Variants in NOTCH4 observed in about 807,000 individuals in gnomAD.
NOTCH4 encodes the protein neurogenic locus notch homolog protein 4.
NOTCH4 carries 138 observed loss-of-function variants against 189.0 expected under a neutral mutation model. The observed-to-expected ratio is 0.73, with a 90% CI of 0.64 to 0.84. The LOEUF is 0.84. Ranked by LOEUF, NOTCH4 falls within the 40% of genes least tolerant of loss-of-function variation. The probability of loss-of-function intolerance (pLI) is 0.00; values close to 1 mark genes in which losing one functional copy is unlikely to be tolerated. For missense variants in NOTCH4, 2,286 were observed against 2,605.4 expected (o/e 0.88, Z 2.67); for synonymous variants, 942 against 1,032.8 (o/e 0.91, Z 1.69).
At chr6:32,213,045 G>C in intron 15 of NOTCH4, 90 bp downstream of exon 15, 2 of 1,263,724 alleles carry the variant, frequency 1.6e-6, no homozygotes, top group South Asian at 2.5e-5. Context: ...TGTGGGGTGG[G>C]AGGCAGCCTG....
chr6:32,204,321 G>A lies in NOTCH4; in HGVS notation c.2934C>T (p.His978=). The change falls in exon 19 of 30, where the codon CAC becomes CAT. Residue 978 remains histidine (H), a synonymous_variant. Transcript: ENST00000375023. ...GTTTGGGAGTACAGGTTCCATGGTTGTGACAGGGTTGGGACTGACAAGCAT... is the reference window on the plus strand; with the variant it reads ...GTTTGGGAGTACAGGTTCCATGGTTATGACAGGGTTGGGACTGACAAGCAT... ...ELDACQSQPC[H]NHGTCTPKPG... The A allele has an allele frequency of 6.2e-7, 1 of 1,613,026 alleles. No homozygotes were observed. Among genetic ancestry groups the A allele is most frequent in the East Asian group, 2.2e-5 (1 of 44,888 alleles).
chr6:32,215,431 C>T, intron 11 of NOTCH4, 46 bp from the exon 12 acceptor site: 2 of 1,539,044 alleles, frequency 1.3e-6, no homozygotes, highest in Non-Finnish European at 1.8e-6. Context: ...CCTCCACATC[C>T]TTCATTGGGC....
At chr6:32,204,498 G>T in intron 18 of NOTCH4, 109 bp from the exon 19 acceptor site, 1 of 1,214,988 alleles carries the variant, frequency 8.2e-7, no homozygotes, top group Non-Finnish European at 1.2e-6. Context: ...CAGCTCAACA[G>T]CATCACTCAA....
rs531072753 is a variant in NOTCH4, at chr6:32,203,812, G to A, written c.3189C>T (p.Ala1063=). ...QPCFHGGTCE[A]TAGSPLGFIC... ...TGAAACCCAGGGGTGATCCTGCTGT[G>A]GCCTCACAGGTCCCTCCATGAAAGC... The change falls in exon 20 of 30, where the codon GCC becomes GCT. Residue 1063 remains alanine (A), a synonymous_variant. Transcript: ENST00000375023. 1.3e-6 allele frequency: 2 copies of A among 1,561,188 alleles called. No individual in the cohort carries two copies. Among genetic ancestry groups the A allele is most frequent in the East Asian group, 4.7e-5 (2 of 42,508 alleles).
At position 32,195,281 on chromosome 6, in the gene NOTCH4, GA is replaced by G; in HGVS notation, c.*155del. On this transcript the variant is annotated 3_prime_UTR_variant, in exon 30 of 30. Coordinates refer to ENST00000375023, the MANE Select transcript of NOTCH4 (RefSeq NM_004557.4). This position sits in a 1 kb window ranked among gnomAD's most constrained non-coding sequence, Gnocchi z 5.4. Reference sequence around the variant, plus strand: ...TCCAGAGCTGCAGCTTCTCCACGTGGAAGATGTCTGCTCTGGTGGGCATACA... The same window carrying G: ...TCCAGAGCTGCAGCTTCTCCACGTGGAGATGTCTGCTCTGGTGGGCATACA... 1.4e-6 allele frequency: 1 copy of G among 691,684 alleles called. No individual in the cohort carries two copies. The highest frequency in any genetic ancestry group is 1.8e-5 in the African/African-American group (1 of 55,534). The allele number at this position is 691,684 out of a possible 1,614,324, so 42.8% of individuals were successfully genotyped here. A position where few individuals can be genotyped will look rare whatever the true frequency, so the allele number is the denominator to read the frequency against.
intron 11 of NOTCH4, 33 bp downstream of exon 11, chr6:32,216,911 TC>T (rs1483718058): frequency 2.5e-6 from 4 of 1,612,502 alleles, no homozygotes; most frequent in Non-Finnish European, 3.4e-6. Context: ...AATAAAATAT[TC>T]TGCCAGTTCT....
At position 32,222,715 on chromosome 6, in the gene NOTCH4, G is replaced by C. The variant is rs1350760457; in HGVS notation, c.247C>G (p.Leu83Val). ...GGGAGCCCTAGGGGAGCGGGAAGCAGGGCTTGGCAGCTGCCTCCATTTTGG... is the reference window on the plus strand; with the variant it reads ...GGGAGCCCTAGGGGAGCGGGAAGCACGGCTTGGCAGCTGCCTCCATTTTGG... ...LCQNGGSCQA[L>V]LPAPLGLPSS... The change falls in exon 3 of 30, where the codon CTG becomes GTG. Residue 83 changes from leucine (L) to valine (V), a missense_variant. By Grantham distance (32) the Leu-to-Val change is conservative. Transcript: ENST00000375023. The C allele has an allele frequency of 3.1e-6, 5 of 1,610,034 alleles. No individual in the cohort carries two copies. In the African/African-American group the frequency reaches 6.7e-5, roughly 22 times the overall value.
At position 32,195,635 on chromosome 6, in the gene NOTCH4, G is replaced by A. The variant is rs1433767818; in HGVS notation, c.5814C>T (p.Ala1938=). Reference sequence around the variant, plus strand: ...CCGTTGAGACCCTGCCTCCGCGCCCGGCAGCCACTCCGTATCTTCCTCGCA... The same window carrying A: ...CCGTTGAGACCCTGCCTCCGCGCCCAGCAGCCACTCCGTATCTTCCTCGCA... ...AIMRGRYGVA[A]GRGGRVSTDD... The change falls in exon 30 of 30, where the codon GCC becomes GCT. Residue 1938 remains alanine (A), a synonymous_variant. Coordinates refer to ENST00000375023, the MANE Select transcript of NOTCH4 (RefSeq NM_004557.4). The surrounding 1 kb of genome is among the most constrained non-coding windows in gnomAD (Gnocchi z 5.4). 6.2e-7 allele frequency: 1 copy of A among 1,612,836 alleles called. No homozygotes were observed. Among genetic ancestry groups the A allele is most frequent in the African/African-American group, 1.3e-5 (1 of 74,938 alleles).
In NOTCH4 at chr6:32,197,426, G is replaced by A. The variant is rs1318818651; in HGVS notation, c.4925C>T (p.Ala1642Val). The A allele has an allele frequency of 3.2e-6, 5 of 1,547,372 alleles. No individual in the cohort carries two copies. The highest frequency in any genetic ancestry group is 4.4e-6 in the Non-Finnish European group (5 of 1,147,526). Residue 1642 changes from alanine to valine, a missense_variant, in exon 27 of 30, where the codon GCC (alanine) becomes GTC (valine). By Grantham distance (64) the Ala-to-Val change is moderately conservative. Coordinates refer to ENST00000375023, the MANE Select transcript of NOTCH4 (RefSeq NM_004557.4). ...GTGETPLHLA[A>V]RFSRPTAARR... ...GGCAGCGGTTGGCCGGGAGAATCGG[G>A]CAGCCAGGTGCAGGGGGGTCTCCCC...
chr6:32,211,215 G>A (rs1428177835), intron 17 of NOTCH4, among the ~76,000 whole-genome samples: 1 of 151,540 alleles, frequency 6.6e-6, no homozygotes, highest in Non-Finnish European at 1.5e-5. Flanking sequence ...AGCCAAAATC[G>A]TGCCATTGCA....
rs150851210 is a variant in NOTCH4, at chr6:32,198,465, T to C, written c.4712A>G (p.Gln1571Arg). ...GTCAGGGGCTTCCATCTCAGATTCC[T>C]GGGGAGGAGTTAGCATGGCTGCCTG... ...LPQAAMLTPP[Q>R]ESEMEAPDLD... is the part of the protein sequence containing the mutation. The change falls in exon 26 of 30, where the codon CAG becomes CGG. Residue 1571 changes from glutamine to arginine, a missense_variant. Around this residue, in one of 2 missense-constraint regions of NOTCH4, gnomAD observed 1,903 missense variants for 2,261.9 expected, o/e 0.84. Coordinates refer to ENST00000375023, the MANE Select transcript of NOTCH4 (RefSeq NM_004557.4). The surrounding 1 kb of genome is among the most constrained non-coding windows in gnomAD (Gnocchi z 5.5). 15 of 1,612,856 alleles carry C rather than the reference T, an allele frequency of 9.3e-6. No individual in the cohort carries two copies. Among genetic ancestry groups the C allele is most frequent in the Non-Finnish European group, 1.2e-5 (14 of 1,180,014 alleles).
chr6:32,205,627 T>A (rs1788630490), intron 18 of NOTCH4, among the ~76,000 whole-genome samples: 1 of 150,484 alleles, frequency 6.6e-6, no homozygotes, highest in African/African-American at 2.4e-5. Flanking sequence ...ATCAGTATAC[T>A]GCTTTTGTTT....
At position 32,199,226 on chromosome 6, in the gene NOTCH4, G is replaced by A. The variant is rs1354709033; in HGVS notation, c.4316-81C>T. 25 of 1,113,476 alleles carry A rather than the reference G, an allele frequency of 2.2e-5. No homozygotes were observed. The highest frequency in any genetic ancestry group is 2.8e-5 in the Non-Finnish European group (22 of 797,338). 69.0% of individuals were successfully genotyped at this position (1,113,476 alleles called of 1,614,324 possible). On this transcript the variant is annotated intron_variant, in intron 23 of 29. Transcript: ENST00000375023. This position sits in a 1 kb window ranked among gnomAD's most constrained non-coding sequence, Gnocchi z 4.9. ...ATTGGGAGACCTTTGGACAAGTTTA[G>A]TAGCCGGTCTTTGCCTCGGTTTCCT...
In NOTCH4 at chr6:32,223,057, A is replaced by C; in HGVS notation, c.103T>G (p.Cys35Gly). ...GLLCGSFPEP[C>G]ANGGTCLSLS... is the part of the protein sequence containing the mutation. The stretch of plus-strand genomic sequence containing the variant: ...CTCAGGCAGGTGCCTCCATTGGCAC[A>C]GGGTTCTGGGAAACTCCCACACAGC... Residue 35 changes from cysteine (C) to glycine (G), a missense_variant, in exon 2 of 30, where the codon TGT (cysteine) becomes GGT (glycine). Physicochemically the swap from Cys to Gly is radical, Grantham distance 159. This residue lies in a region of NOTCH4 where 1,903 missense variants were observed against 2,261.9 expected (regional missense o/e 0.84). Transcript: ENST00000375023. 6.2e-7 allele frequency: 1 copy of C among 1,613,830 alleles called. No homozygotes were observed. Among genetic ancestry groups the C allele is most frequent in the Non-Finnish European group, 8.5e-7 (1 of 1,179,942 alleles).
chr6:32,210,882 G>T lies in NOTCH4; in HGVS notation c.2735C>A (p.Pro912His). 3.1e-6 allele frequency: 5 copies of T among 1,612,294 alleles called. No homozygotes were observed. Among genetic ancestry groups the T allele is most frequent in the Non-Finnish European group, 4.2e-6 (5 of 1,179,596 alleles). ...AGGGGGGCAGTGGCAGAAATAGGAG[G>T]GGCCGCTGTCGACACAGAGGCCTCC... ...HNGGLCVDSG[P>H]SYFCHCPPGF... The change falls in exon 18 of 30, where the codon CCC (proline) becomes CAC (histidine). Residue 912 changes from proline to histidine, a missense_variant. By Grantham distance (77) the Pro-to-His change is moderately conservative (BLOSUM62 -2). Around this residue, in one of 2 missense-constraint regions of NOTCH4, gnomAD observed 1,903 missense variants for 2,261.9 expected, o/e 0.84. Coordinates refer to ENST00000375023, the MANE Select transcript of NOTCH4 (RefSeq NM_004557.4). This position sits in a 1 kb window ranked among gnomAD's most constrained non-coding sequence, Gnocchi z 4.8.
At chr6:32,203,511 C>T (rs6907458) in intron 20 of NOTCH4, 27,999 of 502,382 alleles carry the variant, frequency 0.056, 953 homozygotes, top group South Asian at 0.084. Context: ...CCACCCACCA[C>T]GCAGCTTGAG....
Position 32,196,427 on chromosome 6 carries a change from G to C in NOTCH4, c.5201-6C>G. ...CCAGTGCAGCGCAGTTTTCCCTAGG[G>C]GACGACGTGGGAGGTTGTTACCCCA... On this transcript the variant is annotated splice_polypyrimidine_tract_variant and splice_region_variant and intron_variant, in intron 28 of 29. Transcript: ENST00000375023. 1 of 1,612,716 alleles carries C rather than the reference G, an allele frequency of 6.2e-7. No homozygotes were observed. The highest frequency in any genetic ancestry group is 1.3e-5 in the African/African-American group (1 of 75,054).
chr6:32,197,791 C>A (rs1174656106), intron 26 of NOTCH4, among the ~76,000 whole-genome samples, 197 bp from the exon 27 acceptor site: 2 of 150,808 alleles, frequency 1.3e-5, no homozygotes, highest in African/African-American at 4.9e-5. Flanking sequence ...CAGCTTAATT[C>A]TCTGACATTC....
rs760631285 is a variant in NOTCH4, at chr6:32,198,611, C to A, written c.4617+38G>T. 2.5e-6 allele frequency: 4 copies of A among 1,610,904 alleles called. No individual in the cohort carries two copies. Among genetic ancestry groups the A allele is most frequent in the Admixed American group, 1.7e-5 (1 of 59,816 alleles). ...AGGTTGATTTGCCCTTTCATCCCTT[C>A]CATCACCTCCAGACCATTCTTGCCC... On this transcript the variant is annotated intron_variant, in intron 25 of 29. Coordinates refer to ENST00000375023, the MANE Select transcript of NOTCH4 (RefSeq NM_004557.4). This position sits in a 1 kb window ranked among gnomAD's most constrained non-coding sequence, Gnocchi z 5.5.
Sources: gnomAD v4.1 joint callset for allele counts (sites outside exome capture counted in the v4.1 genomes callset) on GRCh38, gnomAD v4.1.1 for gene constraint, gnomAD v4.1.1 regional missense constraint, Gnocchi (gnomAD v3.1) non-coding constraint, MANE v1.5 for transcripts, NCBI Gene and HGNC (gene_info 2026-07-23, HGNC 2026-07-21) for gene names.